The following ABCC4 variants were observed in gnomAD, a reference collection of about 807,000 sequenced individuals.
ABCC4 encodes the protein ATP binding cassette subfamily C member 4 (PEL blood group), also known as ATP-binding cassette sub-family C member 4.
A neutral mutation model predicts 168.5 loss-of-function variants in ABCC4; 102 were observed. The observed-to-expected ratio is 0.61, with a 90% CI of 0.52 to 0.71. The LOEUF is 0.71. Among genes scored for constraint, ABCC4 ranks in the 30% least tolerant of loss-of-function variants. The pLI, the probability that ABCC4 is intolerant of heterozygous loss-of-function variation, is 0.00. For synonymous variants in ABCC4, 617 were observed against 590.7 expected, an observed-to-expected ratio of 1.04 and a Z score of -0.65; for missense variants, 1,402 against 1,605.8, an observed-to-expected ratio of 0.87 and a Z score of 2.17.
chr13:95,244,666 A>ATC (rs1555336460), intron 3 of ABCC4, among the ~76,000 whole-genome samples: 13,898 of 87,952 alleles, frequency 0.16, 3,444 homozygotes, highest in Non-Finnish European at 0.22. Flanking sequence ...AGAAAGAAAG[A>ATC]AAGAAATCAT....
chr13:95,094,686 A>T (rs1192099359), intron 20 of ABCC4, among the ~76,000 whole-genome samples: 2 of 152,218 alleles, frequency 1.3e-5, no homozygotes, highest in Non-Finnish European at 2.9e-5. Flanking sequence ...TAATTAAACT[A>T]AGGAGCTTTT....
intron 1 of ABCC4, among the ~76,000 whole-genome samples, chr13:95,280,197 C>G (rs1231176741): frequency 6.6e-6 from 1 of 152,060 alleles, no homozygotes; most frequent in Non-Finnish European, 1.5e-5. Context: ...AGGTGAATCA[C>G]TTGTAATCAG....
chr13:95,133,561 A>C lies in ABCC4; in HGVS notation c.2456-17560T>G, dbSNP rs559860639. On this transcript the variant is annotated intron_variant, in intron 19 of 30. Coordinates refer to ENST00000645237, the MANE Select transcript of ABCC4 (RefSeq NM_005845.5). ...ACCCAATTTGCCTGGGTCACAGAGG[A>C]GGTACCTGCTGTGGTAGCCCCTCTG... is the stretch of plus-strand genomic sequence containing the variant. Among the ~76,000 whole-genome samples the C allele has an allele frequency of 9.8e-5, 15 of 152,302 alleles. 1 individual carries two copies. Among genetic ancestry groups the C allele is most frequent in the Middle Eastern group, 6.8e-3 (2 of 294 alleles).
At chr13:95,036,123 G>A (rs1483989989) in intron 29 of ABCC4, among the ~76,000 whole-genome samples, 2 of 152,124 alleles carry the variant, frequency 1.3e-5, no homozygotes, top group African/African-American at 4.8e-5. Flanking sequence ...CTTAAGCATA[G>A]CATTACAGAA....
At chr13:95,271,341 G>C (rs976465002) in intron 1 of ABCC4, among the ~76,000 whole-genome samples, 18 of 152,244 alleles carry the variant, frequency 1.2e-4, no homozygotes, top group Admixed American at 1.2e-3. Flanking sequence ...GTCAGAGACA[G>C]GGCTGTAAAC....
intron 30 of ABCC4, among the ~76,000 whole-genome samples, chr13:95,022,859 G>A (rs1410175702): frequency 6.6e-6 from 1 of 152,142 alleles, no homozygotes; most frequent in Admixed American, 6.5e-5. Flanking sequence ...TTGCACACTT[G>A]TTACTCCAGA....
At chr13:95,202,473 TA>T (rs1203041274) in intron 8 of ABCC4, among the ~76,000 whole-genome samples, 2 of 151,956 alleles carry the variant, frequency 1.3e-5, no homozygotes, top group Non-Finnish European at 2.9e-5. Context: ...TCCCCTTATT[TA>T]AAGACAATAA....
intron 22 of ABCC4, 156 bp downstream of exon 22, chr13:95,075,276 A>G (rs2033858349): frequency 1.1e-6 from 1 of 940,980 alleles, no homozygotes; most frequent in Non-Finnish European, 1.6e-6. Flanking sequence ...CAAGCCCAGA[A>G]GAAGGGGATG....
intron 19 of ABCC4, among the ~76,000 whole-genome samples, chr13:95,132,651 C>T (rs2036008981): frequency 6.6e-6 from 1 of 152,058 alleles, no homozygotes. Flanking sequence ...CAAATATTTT[C>T]CATTCTCAGT....
chr13:95,267,372 G>A (rs929911225), intron 1 of ABCC4, among the ~76,000 whole-genome samples: 8 of 152,190 alleles, frequency 5.3e-5, no homozygotes, highest in Non-Finnish European at 1.0e-4. Flanking sequence ...GCCACCATGT[G>A]AGATGTGTCT....
Position 95,161,196 on chromosome 13 carries a change from A to G in ABCC4, c.2448T>C (p.Asn816=). The stretch of plus-strand genomic sequence containing the variant: ...ACTTGGTGTCAGACTTACCTATTGG[A>G]TTTCTATCAAAGAATAATACCGGAG... ...LKAPVLFFDR[N]PIGRILNRFS... is the part of the protein sequence containing the mutation. Residue 816 remains asparagine (N), a synonymous_variant, in exon 19 of 31, where the codon AAT becomes AAC. Transcript: ENST00000645237. 1 of 1,599,744 alleles carries G rather than the reference A, an allele frequency of 6.3e-7. No individual in the cohort carries two copies. The highest frequency in any genetic ancestry group is 2.3e-5 in the East Asian group (1 of 44,380).
chr13:95,247,729 A>C lies in ABCC4; in HGVS notation c.99T>G (p.Ile33Met). 6.2e-7 allele frequency: 1 copy of C among 1,614,056 alleles called. No homozygotes were observed. The highest frequency in any genetic ancestry group is 8.5e-7 in the Non-Finnish European group (1 of 1,179,942). ...FFWWLNPLFK[I>M]GHKRRLEEDD... is the part of the protein sequence containing the mutation. ...CTTCCTCTAATCTCCGTTTATGGCC[A>C]ATTTTAAACAAGGGATTGAGCCACC... The change falls in exon 2 of 31, where the codon ATT becomes ATG. Residue 33 changes from isoleucine (I) to methionine (M), a missense_variant. Ile to Met is a conservative substitution (Grantham distance 10). Around this residue, in one of 3 missense-constraint regions of ABCC4, gnomAD observed 317 missense variants for 345.5 expected, o/e 0.92. Transcript: ENST00000645237.
At position 95,206,667 on chromosome 13, in the gene ABCC4, G is replaced by A. The variant is rs778747419; in HGVS notation, c.1026C>T (p.Leu342=). Residue 342 remains leucine, a synonymous_variant, in exon 8 of 31, where the codon CTC becomes CTT. Transcript: ENST00000645237. ...VFVTFTTYVL[L]GSVITASRVF... is the part of the protein sequence containing the mutation. Reference sequence around the variant, plus strand: ...CGCGGCTGGCTGTGATCACACTGCCGAGGAGCACGTAGGTGGTGAAGGTCA... The same window carrying A: ...CGCGGCTGGCTGTGATCACACTGCCAAGGAGCACGTAGGTGGTGAAGGTCA... The A allele has an allele frequency of 2.8e-5, 46 of 1,614,064 alleles. No homozygotes were observed. Among genetic ancestry groups the A allele is most frequent in the South Asian group, 1.6e-4 (15 of 91,078 alleles).
At chr13:95,213,126 TAA>T (rs11370564) in intron 4 of ABCC4, among the ~76,000 whole-genome samples, 1 of 147,860 alleles carries the variant, frequency 6.8e-6, no homozygotes. Flanking sequence ...GATTCCATCT[TAA>T]AAAAAAAAAA....
At chr13:95,215,430 A>G (rs1356786726) in intron 4 of ABCC4, among the ~76,000 whole-genome samples, 1 of 152,184 alleles carries the variant, frequency 6.6e-6, no homozygotes, top group Non-Finnish European at 1.5e-5. Flanking sequence ...TAAAAAGAAG[A>G]CAAATTACTT....
chr13:95,094,875 C>T (rs1202084257), intron 20 of ABCC4, among the ~76,000 whole-genome samples: 1 of 152,048 alleles, frequency 6.6e-6, no homozygotes, highest in African/African-American at 2.4e-5. Context: ...AGAGAAAATT[C>T]TGGAAAGAAG....
Position 95,208,689 on chromosome 13 carries a change from C to T in ABCC4, c.785+745G>A, listed in dbSNP as rs1463101326. ...AGGCTGGAGTGCAGTGGCATAATAT[C>T]GGCTCACTGCAACCTCTGCCTCCTG... On this transcript the variant is annotated intron_variant, in intron 6 of 30. Coordinates refer to ENST00000645237, the MANE Select transcript of ABCC4 (RefSeq NM_005845.5). Among the ~76,000 whole-genome samples the T allele has an allele frequency of 5.4e-5, 7 of 128,518 alleles. 1 individual carries two copies. The highest frequency in any genetic ancestry group is 1.8e-4 in the African/African-American group (6 of 34,268). The allele number at this position is 128,518 out of a possible 152,430, so 84.3% of individuals were successfully genotyped here.
intron 1 of ABCC4, among the ~76,000 whole-genome samples, chr13:95,300,362 A>C (rs1045246450): frequency 6.6e-6 from 1 of 151,948 alleles, no homozygotes; most frequent in Non-Finnish European, 1.5e-5. Context: ...CGTGGAAGTG[A>C]AAGTATTGGA....
chr13:95,269,300 A>G (rs2040774344), intron 1 of ABCC4: 2 of 455,714 alleles, frequency 4.4e-6, no homozygotes, highest in Non-Finnish European at 8.8e-6. Context: ...CAGCAGCACA[A>G]GCAGCTCACC....
Sources: allele counts gnomAD v4.1 joint callset (sites outside exome capture counted in the v4.1 genomes callset), GRCh38; gene constraint gnomAD v4.1.1; regional missense constraint gnomAD v4.1.1; transcripts MANE v1.5; gene names NCBI Gene and HGNC (gene_info 2026-07-23, HGNC 2026-07-21).